NAA80: variants seen among roughly 807,000 people sequenced by gnomAD.
The protein encoded by NAA80 is N-alpha-acetyltransferase 80.
NAA80 carries 5 observed loss-of-function variants against 8.7 expected under a neutral mutation model. The ratio of observed to expected loss-of-function variants is 0.58; its 90% CI spans 0.30 to 1.21. NAA80 has a LOEUF of 1.21. Ranked by LOEUF, NAA80 falls within the 50% of genes most tolerant of loss-of-function variation. The pLI, the probability that NAA80 is intolerant of heterozygous loss-of-function variation, is 0.07. For missense variants in NAA80, 360 were observed against 368.6 expected (o/e 0.98, Z 0.19); for synonymous variants, 149 against 156.6 (o/e 0.95, Z 0.36).
In NAA80 at chr3:50,297,434, A is replaced by C. The variant is rs782299613; in HGVS notation, c.30T>G (p.Ala10=). 6.2e-7 allele frequency: 1 copy of C among 1,611,752 alleles called. No homozygotes were observed. The highest frequency in any genetic ancestry group is 8.5e-7 in the Non-Finnish European group (1 of 1,178,824). The change falls in exon 2 of 2, where the codon GCT becomes GCG. Residue 10 remains alanine (A), a synonymous_variant. Transcript: ENST00000443094. The surrounding 1 kb of genome is among the most constrained non-coding windows in gnomAD (Gnocchi z 4.3). ...GGCACGCAGGATCCAGAGTCAGCTC[A>C]GCTGGGCTGGTACTCAGGATCAGCT... is the stretch of plus-strand genomic sequence containing the variant. The part of the protein sequence containing the change: MELILSTSP[A]ELTLDPACQP...
rs1553711306 is a variant in NAA80 at position 50,296,940 on chromosome 3, G to A, written c.524C>T (p.Thr175Ile). The A allele has an allele frequency of 1.2e-6, 2 of 1,607,598 alleles. No individual in the cohort carries two copies. The highest frequency in any genetic ancestry group is 1.7e-5 in the Admixed American group (1 of 58,830). ...RARGFRKLHL[T>I]THDQVHFYTH... ...ATAGAAGTGCACCTGGTCATGGGTG[G>A]TGAGATGCAGCTTGCGGAAGCCCCG... Residue 175 changes from threonine to isoleucine, a missense_variant, in exon 2 of 2, where the codon ACC becomes ATC. Physicochemically the swap from Thr to Ile is moderately conservative, Grantham distance 89. Transcript: ENST00000443094.
At chr3:50,299,056 G>C in intron 1 of NAA80, 157 bp downstream of exon 1, 1 of 1,585,932 alleles carries the variant, frequency 6.3e-7, no homozygotes, top group East Asian at 2.3e-5. Flanking sequence ...TTGGGAATGA[G>C]GACTTCGAGA....
Position 50,297,946 on chromosome 3 carries a change from C to A in NAA80, c.-209-274G>T. On this transcript the variant is annotated intron_variant, in intron 1 of 1. Transcript: ENST00000443094. The surrounding 1 kb of genome is among the most constrained non-coding windows in gnomAD (Gnocchi z 4.3). Reference sequence around the variant, plus strand: ...CTGGGGCAGAACCTAGGAGTCCTGGCCCCAGCCTGCTCTGGCTACAAATTT... The same window carrying A: ...CTGGGGCAGAACCTAGGAGTCCTGGACCCAGCCTGCTCTGGCTACAAATTT... The A allele has an allele frequency of 1.0e-6, 1 of 989,558 alleles. No homozygotes were observed. Among genetic ancestry groups the A allele is most frequent in the Non-Finnish European group, 1.2e-6 (1 of 833,036 alleles). 61.3% of individuals were successfully genotyped at this position (989,558 alleles called of 1,614,324 possible).
rs782465332 is a variant in NAA80 at position 50,297,309 on chromosome 3, G to A, written c.155C>T (p.Thr52Ile). ...CAACTCAGCCAGGCTAGGAGCTGGGGTCTCCTCTGGCTGGTGTTCAGGATC... is the reference window on the plus strand; with the variant it reads ...CAACTCAGCCAGGCTAGGAGCTGGGATCTCCTCTGGCTGGTGTTCAGGATC... ...TLDPEHQPEETPAPSLAELTL... is the reference protein window; with the variant it reads ...TLDPEHQPEEIPAPSLAELTL... The change falls in exon 2 of 2, where the codon ACC (threonine) becomes ATC (isoleucine). Residue 52 changes from threonine to isoleucine, a missense_variant. By Grantham distance (89) the Thr-to-Ile change is moderately conservative. Transcript: ENST00000443094. The surrounding 1 kb of genome is among the most constrained non-coding windows in gnomAD (Gnocchi z 4.3). 1.2e-6 allele frequency: 2 copies of A among 1,605,264 alleles called. No individual in the cohort carries two copies. Among genetic ancestry groups the A allele is most frequent in the South Asian group, 1.1e-5 (1 of 90,110 alleles).
In NAA80 at chr3:50,296,418, T is replaced by TA; in HGVS notation, c.*184dup. ...TCACAGCCATACCCAAGAGAGCCTT[T>TA]ATTCAGCCACACTGACGGCTCTGAG... On this transcript the variant is annotated 3_prime_UTR_variant, in exon 2 of 2. Transcript: ENST00000443094. 4 of 651,662 alleles carry TA rather than the reference T, an allele frequency of 6.1e-6. No homozygotes were observed. The South Asian group carries it at 7.9e-5, about 13-fold the overall frequency. 40.4% of individuals were successfully genotyped at this position (651,662 alleles called of 1,614,324 possible).
Position 50,296,900 on chromosome 3 carries a change from G to A in NAA80, c.564C>T (p.Tyr188=). The change falls in exon 2 of 2, where the codon TAC becomes TAT. Residue 188 remains tyrosine (Y), a synonymous_variant. Coordinates refer to ENST00000443094, the MANE Select transcript of NAA80 (RefSeq NM_001200016.2). ...DQVHFYTHLG[Y]QLGEPVQGLV... is the part of the protein sequence containing the mutation. ...GGCCCTGCACAGGCTCACCCAGCTG[G>A]TAGCCCAGGTGGGTATAGAAGTGCA... 1.9e-6 allele frequency: 3 copies of A among 1,608,890 alleles called. No homozygotes were observed. Among genetic ancestry groups the A allele is most frequent in the East Asian group, 2.2e-5 (1 of 44,838 alleles).
Position 50,296,556 on chromosome 3 carries a change from G to C in NAA80, c.*47C>G, listed in dbSNP as rs782360508. On this transcript the variant is annotated 3_prime_UTR_variant, in exon 2 of 2. Coordinates refer to ENST00000443094, the MANE Select transcript of NAA80 (RefSeq NM_001200016.2). ...AGTGGGCTGAGGCTTGTAGACTGTC[G>C]GGGCAGTCTATTGAACCAGAAAGAC... 1.9e-6 allele frequency: 3 copies of C among 1,583,890 alleles called. No individual in the cohort carries two copies. Among genetic ancestry groups the C allele is most frequent in the Admixed American group, 1.7e-5 (1 of 57,874 alleles).
At chr3:50,298,085 T>C in intron 1 of NAA80, 2 of 985,432 alleles carry the variant, frequency 2.0e-6, no homozygotes, top group Non-Finnish European at 2.4e-6. Context: ...AGTCCACCAC[T>C]AGGGCATGGG....
intron 1 of NAA80, chr3:50,298,752 C>T: frequency 9.7e-7 from 1 of 1,035,242 alleles, no homozygotes; most frequent in South Asian, 3.2e-5. Flanking sequence ...GCCAATTAAA[C>T]ACTGGTCAGT....
chr3:50,298,205 C>G (rs1553711724), intron 1 of NAA80: 1 of 663,020 alleles, frequency 1.5e-6, no homozygotes, highest in Non-Finnish European at 1.9e-6. Context: ...CCCTATGTTC[C>G]GAGTCTCCTC....
Position 50,299,212 on chromosome 3 carries a change from C to T in NAA80, c.-210+1G>A, listed in dbSNP as rs1702014110. On this transcript the variant is annotated splice_donor_variant, in intron 1 of 1. Coordinates refer to ENST00000443094, the MANE Select transcript of NAA80 (RefSeq NM_001200016.2). LOFTEE classifies it low-confidence loss of function (5UTR_SPLICE). The stretch of plus-strand genomic sequence containing the variant: ...GCAAATGGGAAGGGTGCGGTACTGA[C>T]ATGTTGATGCTGGCCTCTGGGATGT... 1 of 1,614,050 alleles carries T rather than the reference C, an allele frequency of 6.2e-7. No homozygotes were observed. The highest frequency in any genetic ancestry group is 8.5e-7 in the Non-Finnish European group (1 of 1,180,016).
At chr3:50,299,063 G>T in intron 1 of NAA80, 150 bp downstream of exon 1, 2 of 1,595,222 alleles carry the variant, frequency 1.3e-6, no homozygotes, top group Non-Finnish European at 8.5e-7. Flanking sequence ...TGAGGACTTC[G>T]AGAGCTCGAC....
Position 50,296,965 on chromosome 3 carries a change from G to A in NAA80, c.499C>T (p.Arg167Trp), listed in dbSNP as rs1022020856. 1.8e-5 allele frequency: 29 copies of A among 1,594,956 alleles called. No individual in the cohort carries two copies. Among genetic ancestry groups the A allele is most frequent in the Middle Eastern group, 1.7e-4 (1 of 5,964 alleles). ...MEGLEVFARA[R>W]GFRKLHLTTH... ...GTGAGATGCAGCTTGCGGAAGCCCCGGGCCCGAGCAAAGACCTCCAGGCCC... is the reference window on the plus strand; with the variant it reads ...GTGAGATGCAGCTTGCGGAAGCCCCAGGCCCGAGCAAAGACCTCCAGGCCC... The change falls in exon 2 of 2, where the codon CGG (arginine) becomes TGG (tryptophan). Residue 167 changes from arginine to tryptophan, a missense_variant. By Grantham distance (101) the Arg-to-Trp change is moderately radical. Coordinates refer to ENST00000443094, the MANE Select transcript of NAA80 (RefSeq NM_001200016.2).
In NAA80 at chr3:50,297,127, T is replaced by C; in HGVS notation, c.337A>G (p.Thr113Ala). 6.4e-7 allele frequency: 1 copy of C among 1,564,630 alleles called. No homozygotes were observed. Among genetic ancestry groups the C allele is most frequent in the Non-Finnish European group, 8.7e-7 (1 of 1,153,030 alleles). ...LCLMLLSPHPTLEAAPVVVGH... is the reference protein window; with the variant it reads ...LCLMLLSPHPALEAAPVVVGH... The stretch of plus-strand genomic sequence containing the variant: ...ACCACAACGGGTGCTGCTTCAAGTG[T>C]GGGGTGGGGGCTTAGCAGCATCAGG... The change falls in exon 2 of 2, where the codon ACA becomes GCA. Residue 113 changes from threonine (T) to alanine (A), a missense_variant. Thr to Ala is a moderately conservative substitution (Grantham distance 58). Transcript: ENST00000443094. This position sits in a 1 kb window ranked among gnomAD's most constrained non-coding sequence, Gnocchi z 4.3.
At position 50,298,915 on chromosome 3, in the gene NAA80, G is replaced by T. The variant is rs1701992751; in HGVS notation, c.-210+298C>A. The T allele has an allele frequency of 2.9e-6, 4 of 1,364,446 alleles. No homozygotes were observed. The East Asian group carries it at 1.2e-4, about 40-fold the overall frequency. The allele number at this position is 1,364,446 out of a possible 1,614,324, so 84.5% of individuals were successfully genotyped here. On this transcript the variant is annotated intron_variant, in intron 1 of 1. Coordinates refer to ENST00000443094, the MANE Select transcript of NAA80 (RefSeq NM_001200016.2). ...AGGGCTGAGCCCGGGGCTTCCCCGC[G>T]GCCTTAACCCCTTCAGTGCCGACCC...
rs1178806699 is a variant in NAA80 at position 50,298,031 on chromosome 3, G to A, written c.-209-359C>T. On this transcript the variant is annotated intron_variant, in intron 1 of 1. Coordinates refer to ENST00000443094, the MANE Select transcript of NAA80 (RefSeq NM_001200016.2). ...TAACCACCAGGTCTATAAAACAGCC[G>A]ACCCAATCTACTTGCTGGCCTTCTG... The A allele has an allele frequency of 5.1e-6, 5 of 985,766 alleles. No individual in the cohort carries two copies. In the Admixed American group the frequency reaches 1.8e-4, roughly 36 times the overall value. The allele number at this position is 985,766 out of a possible 1,614,324, so 61.1% of individuals were successfully genotyped here.
Position 50,297,502 on chromosome 3 carries a change from G to A in NAA80, c.-39C>T. The stretch of plus-strand genomic sequence containing the variant: ...TCTAGTGTAGGGGTCAGCTTGGCTG[G>A]GCCAGGGCTCAGAGTCAGCTCTTGC... On this transcript the variant is annotated 5_prime_UTR_variant, in exon 2 of 2. Transcript: ENST00000443094. The surrounding 1 kb of genome is among the most constrained non-coding windows in gnomAD (Gnocchi z 4.3). 7 of 1,547,088 alleles carry A rather than the reference G, an allele frequency of 4.5e-6. No individual in the cohort carries two copies. The highest frequency in any genetic ancestry group is 6.1e-6 in the Non-Finnish European group (7 of 1,143,022).
At chr3:50,298,391 A>G (rs587616203) in intron 1 of NAA80, among the ~76,000 whole-genome samples, 2 of 151,804 alleles carry the variant, frequency 1.3e-5, no homozygotes, top group African/African-American at 4.8e-5. Flanking sequence ...TATAGACCCA[A>G]CTGTCTCCTC....
Position 50,297,155 on chromosome 3 carries a change from G to A in NAA80, c.309C>T (p.Leu103=). 1 of 1,600,524 alleles carries A rather than the reference G, an allele frequency of 6.2e-7. No individual in the cohort carries two copies. The highest frequency in any genetic ancestry group is 1.3e-5 in the African/African-American group (1 of 74,758). ...GGTGGGGGCTTAGCAGCATCAGGCA[G>A]AGGGGGAAGGCATCTGAGGACTGGC... ...SLGQSSDAFP[L]CLMLLSPHPT... is the part of the protein sequence containing the mutation. Residue 103 remains leucine (L), a synonymous_variant, in exon 2 of 2, where the codon CTC becomes CTT. Coordinates refer to ENST00000443094, the MANE Select transcript of NAA80 (RefSeq NM_001200016.2). This position sits in a 1 kb window ranked among gnomAD's most constrained non-coding sequence, Gnocchi z 4.3.
Sources: allele counts gnomAD v4.1 joint callset (sites outside exome capture counted in the v4.1 genomes callset), GRCh38; gene constraint gnomAD v4.1.1; non-coding constraint Gnocchi (gnomAD v3.1); transcripts MANE v1.5; gene names NCBI Gene and HGNC (gene_info 2026-07-23, HGNC 2026-07-21).